The following AP3B1 variants were observed in gnomAD, a reference collection of about 807,000 sequenced individuals.
The protein encoded by AP3B1 is AP-3 complex subunit beta-1.
A neutral mutation model predicts 132.5 loss-of-function variants in AP3B1; 61 were observed. That is an observed-to-expected ratio of 0.46 (90% CI 0.37 to 0.57). The LOEUF is 0.57. AP3B1 is among the 20% of genes least tolerant of loss of function. The pLI is 0.00. For missense variants in AP3B1, 1,120 were observed against 1,289.4 expected, an observed-to-expected ratio of 0.87 and a Z score of 2.01; for synonymous variants, 388 against 438.3, an observed-to-expected ratio of 0.89 and a Z score of 1.43.
At chr5:78,052,543 A>C (rs1748627027) in intron 22 of AP3B1, among the ~76,000 whole-genome samples, 1 of 152,168 alleles carries the variant, frequency 6.6e-6, no homozygotes, top group Non-Finnish European at 1.5e-5. Context: ...GCACTCATTT[A>C]TTTATGTATT....
chr5:78,291,885 TC>T (rs1429468450), intron 1 of AP3B1, among the ~76,000 whole-genome samples: 2 of 152,224 alleles, frequency 1.3e-5, no homozygotes, highest in African/African-American at 4.8e-5. Context: ...ATATCTTTGT[TC>T]TTAAAAATTA....
At chr5:78,241,025 ACCG>A in intron 2 of AP3B1, 89 bp from the exon 3 acceptor site, 1 of 895,928 alleles carries the variant, frequency 1.1e-6, no homozygotes, top group Non-Finnish European at 1.8e-6. Context: ...TACGTAATTA[ACCG>A]CTGAACTCTT....
rs182620317 is a variant in AP3B1, at chr5:78,042,260, T to C, written c.2578-2986A>G. 7 of 151,812 alleles carry C rather than the reference T, an allele frequency of 4.6e-5. No individual in the cohort carries two copies. The East Asian group carries it at 1.2e-3, about 25-fold the overall frequency. 9.4% of individuals were successfully genotyped at this position (151,812 alleles called of 1,614,324 possible). ...TAAAATTTTATTTATTTTTTTTTTA[T>C]AGATAGGGGTTTCACTCTGTCATCC... On this transcript the variant is annotated intron_variant, in intron 22 of 26. Coordinates refer to ENST00000255194, the MANE Select transcript of AP3B1 (RefSeq NM_003664.5).
At chr5:78,128,615 G>C (rs2112299787) in intron 16 of AP3B1, among the ~76,000 whole-genome samples, 1 of 152,218 alleles carries the variant, frequency 6.6e-6, no homozygotes, top group Non-Finnish European at 1.5e-5. Flanking sequence ...ATGGCTACTT[G>C]TAAGGTGGTA....
intron 24 of AP3B1, among the ~76,000 whole-genome samples, chr5:78,025,478 G>T (rs1747305742): frequency 1.3e-5 from 2 of 152,166 alleles, no homozygotes; most frequent in Non-Finnish European, 2.9e-5. Context: ...GTAGCTAAGA[G>T]TGATCAAGTG....
At chr5:78,237,700 C>G (rs746503011) in intron 3 of AP3B1, among the ~76,000 whole-genome samples, 28 of 152,098 alleles carry the variant, frequency 1.8e-4, no homozygotes, top group Non-Finnish European at 3.5e-4. Flanking sequence ...GTAATCCCAG[C>G]TGCTCGGGAG....
chr5:78,015,589 T>C (rs1284090359), intron 25 of AP3B1, 41 bp from the exon 26 acceptor site: 16 of 1,607,326 alleles, frequency 1.0e-5, no homozygotes, highest in African/African-American at 2.7e-5. Context: ...TAATTTCTTT[T>C]TGAAAATTAC....
chr5:78,252,303 G>A (rs1309885707), intron 2 of AP3B1, among the ~76,000 whole-genome samples: 1 of 152,044 alleles, frequency 6.6e-6, no homozygotes, highest in African/African-American at 2.4e-5. Context: ...AGAACAGCAG[G>A]GGGGAAAGTA....
intron 20 of AP3B1, among the ~76,000 whole-genome samples, chr5:78,104,808 T>C (rs1014236734): frequency 5.9e-5 from 9 of 152,162 alleles, no homozygotes; most frequent in Non-Finnish European, 1.0e-4. Flanking sequence ...GACTGATCGT[T>C]AGAGCACCTA....
chr5:78,089,852 C>A (rs1263454058), intron 21 of AP3B1, among the ~76,000 whole-genome samples: 1 of 152,094 alleles, frequency 6.6e-6, no homozygotes, highest in Non-Finnish European at 1.5e-5. Context: ...GAATAACAAC[C>A]GCTTCCAAGA....
rs375250754 is a variant in AP3B1 at position 78,020,682 on chromosome 5, C to T, written c.2992+10G>A. 4.3e-5 allele frequency: 69 copies of T among 1,593,192 alleles called. No individual in the cohort carries two copies. The highest frequency in any genetic ancestry group is 5.8e-5 in the Non-Finnish European group (67 of 1,161,896). ...ATGTAAATTTCTAGTAAGTTGTAGACATCTCTCACCTTGCTCTTTCTTAAA... is the reference window on the plus strand; with the variant it reads ...ATGTAAATTTCTAGTAAGTTGTAGATATCTCTCACCTTGCTCTTTCTTAAA... On this transcript the variant is annotated intron_variant, in intron 25 of 26. Coordinates refer to ENST00000255194, the MANE Select transcript of AP3B1 (RefSeq NM_003664.5).
In AP3B1 at chr5:78,294,070, C is replaced by T. The variant is rs530754839; in HGVS notation, c.128+382G>A. Among the ~76,000 whole-genome samples the T allele has an allele frequency of 5.3e-5, 8 of 152,198 alleles. No homozygotes were observed. The South Asian group carries it at 1.7e-3, about 32-fold the overall frequency. On this transcript the variant is annotated intron_variant, in intron 1 of 26. Transcript: ENST00000255194. ...ACCTTCACCAAAACACTCCTTTCAC[C>T]CTAATCAGGGAATGTATTAAAGTCT...
chr5:78,165,926 G>GGCATGGTGGT (rs757211656), intron 11 of AP3B1, among the ~76,000 whole-genome samples: 1 of 152,080 alleles, frequency 6.6e-6, no homozygotes, highest in East Asian at 1.9e-4. Context: ...AAATTAGCCG[G>GGCATGGTGGT]GCATGGTGGT....
At chr5:78,151,644 G>C (rs1388040425) in intron 14 of AP3B1, among the ~76,000 whole-genome samples, 2 of 152,152 alleles carry the variant, frequency 1.3e-5, no homozygotes, top group Non-Finnish European at 2.9e-5. Flanking sequence ...CTGTTGATAT[G>C]ATGAATCACA....
At chr5:78,228,823 A>G (rs540784631) in intron 3 of AP3B1, among the ~76,000 whole-genome samples, 10 of 152,368 alleles carry the variant, frequency 6.6e-5, no homozygotes, top group Admixed American at 2.0e-4. Context: ...TTCAACACGC[A>G]TTACATGATA....
At position 78,087,042 on chromosome 5, in the gene AP3B1, G is replaced by C. The variant is rs567129321; in HGVS notation, c.2577+2351C>G. ...TCACATTCATGAGTTCTATATACGA[G>C]TGCCAGCATCATTTAACTACTTCTA... On this transcript the variant is annotated intron_variant, in intron 22 of 26. Transcript: ENST00000255194. Among the ~76,000 whole-genome samples, 29 of 152,248 alleles carry C rather than the reference G, an allele frequency of 1.9e-4. No individual in the cohort carries two copies. In the South Asian group the frequency reaches 4.8e-3, roughly 25 times the overall value.
At chr5:78,068,739 C>T (rs1749403066) in intron 22 of AP3B1, among the ~76,000 whole-genome samples, 1 of 152,086 alleles carries the variant, frequency 6.6e-6, no homozygotes, top group Non-Finnish European at 1.5e-5. Flanking sequence ...GGATTCCTCA[C>T]TAATTCATTT....
intron 19 of AP3B1, among the ~76,000 whole-genome samples, chr5:78,111,534 A>G (rs1468209496): frequency 6.6e-6 from 1 of 152,176 alleles, no homozygotes; most frequent in Non-Finnish European, 1.5e-5. Flanking sequence ...CACCTAAAAA[A>G]ACTTGATCCA....
rs180903703 is a variant in AP3B1 at position 78,183,822 on chromosome 5, G to A, written c.787-2160C>T. Among the ~76,000 whole-genome samples the A allele has an allele frequency of 5.4e-5, 8 of 147,962 alleles. No homozygotes were observed. In the East Asian group the frequency reaches 5.9e-4, roughly 11 times the overall value. On this transcript the variant is annotated intron_variant, in intron 7 of 26. Transcript: ENST00000255194. ...GCGGAGGTTGCAGTGAGCCAAGATCGCGCCATTGCCCTCCAGCCTGGGCAA... is the reference window on the plus strand; with the variant it reads ...GCGGAGGTTGCAGTGAGCCAAGATCACGCCATTGCCCTCCAGCCTGGGCAA...
Sources: gnomAD v4.1 joint callset for allele counts (sites outside exome capture counted in the v4.1 genomes callset) on GRCh38, gnomAD v4.1.1 for gene constraint, MANE v1.5 for transcripts, NCBI Gene and HGNC (gene_info 2026-07-23, HGNC 2026-07-21) for gene names.